Variants in RBBP8 observed in about 807,000 individuals in gnomAD.
RBBP8 encodes DNA endonuclease RBBP8.
RBBP8 carries 88 observed loss-of-function variants against 108.3 expected under a neutral mutation model. The observed-to-expected ratio is 0.81, with a 90% confidence interval of 0.68 to 0.97. The LOEUF is 0.97. Among genes scored for constraint, RBBP8 ranks in the 50% least tolerant of loss-of-function variants. The probability of loss-of-function intolerance (pLI) is 0.00; values close to 1 mark genes in which losing one functional copy is unlikely to be tolerated. For synonymous variants in RBBP8, 332 were observed against 348.2 expected, an observed-to-expected ratio of 0.95 and a Z score of 0.52; for missense variants, 1,023 against 1,049.0, an observed-to-expected ratio of 0.98 and a Z score of 0.34.
chr18:22,937,787 CATTATTT>C (rs895732093), intron 2 of RBBP8, among the ~76,000 whole-genome samples: 7 of 150,260 alleles, frequency 4.7e-5, no homozygotes, highest in African/African-American at 1.7e-4. Flanking sequence ...CCAAAGATCT[CATTATTT>C]ATTTATTTAT....
intron 3 of RBBP8, 67 bp downstream of exon 3, chr18:22,946,553 A>G: frequency 6.3e-7 from 1 of 1,597,744 alleles, no homozygotes; most frequent in Non-Finnish European, 8.5e-7. Flanking sequence ...CCAATTTGAC[A>G]TTCATAGAGT....
chr18:22,920,386 A>C (rs1909543952), intron 3 of RBBP8, among the ~76,000 whole-genome samples: 1 of 152,244 alleles, frequency 6.6e-6, no homozygotes, highest in South Asian at 2.1e-4. Context: ...TGGGAAATAG[A>C]GTACATAACA....
At chr18:22,945,308 G>GA (rs1911454387) in intron 2 of RBBP8, among the ~76,000 whole-genome samples, 1 of 152,056 alleles carries the variant, frequency 6.6e-6, no homozygotes, top group African/African-American at 2.4e-5. Context: ...ATATTCAACA[G>GA]AAAAAATTTT....
At chr18:22,940,562 C>T (rs1276912874) in intron 2 of RBBP8, among the ~76,000 whole-genome samples, 11 of 152,020 alleles carry the variant, frequency 7.2e-5, no homozygotes, top group Admixed American at 3.9e-4. Context: ...CCTCGTGATC[C>T]GCCCGCCTCA....
At chr18:23,022,646 TACAATATAAAATAAA>T (rs1346186083) in intron 18 of RBBP8, among the ~76,000 whole-genome samples, 1 of 29,134 alleles carries the variant, frequency 3.4e-5, no homozygotes, top group African/African-American at 9.0e-5. Flanking sequence ...ATAAATAAAA[TACAATATAAAATAAA>T]ATAAAATAAA....
intron 3 of RBBP8, among the ~76,000 whole-genome samples, chr18:22,927,029 CTAAT>C (rs1331024814): frequency 6.6e-5 from 10 of 152,340 alleles, no homozygotes; most frequent in African/African-American, 2.4e-4. Context: ...ACAACACTTA[CTAAT>C]TACTGTAAAC....
chr18:23,001,134 T>A (rs1201174368), intron 14 of RBBP8, among the ~76,000 whole-genome samples: 1 of 152,248 alleles, frequency 6.6e-6, no homozygotes, highest in East Asian at 1.9e-4. Flanking sequence ...TATAGTTTGT[T>A]ACTCACTTAT....
At chr18:22,945,824 CTGTTCA>C (rs1911515580) in intron 2 of RBBP8, among the ~76,000 whole-genome samples, 1 of 152,008 alleles carries the variant, frequency 6.6e-6, no homozygotes, top group Admixed American at 6.6e-5. Context: ...TTGTTAATTA[CTGTTCA>C]TGAAAATTAG....
chr18:22,957,285 C>CTTTTTTTTT (rs1912641266), intron 4 of RBBP8, among the ~76,000 whole-genome samples: 1 of 43,186 alleles, frequency 2.3e-5, no homozygotes, highest in Non-Finnish European at 4.6e-5. Context: ...GTTGTAATTA[C>CTTTTTTTTT]TTTTTCTTTT....
chr18:22,919,707 A>G (rs1467137004), intron 3 of RBBP8, among the ~76,000 whole-genome samples: 1 of 151,998 alleles, frequency 6.6e-6, no homozygotes, highest in Non-Finnish European at 1.5e-5. Context: ...ACATGCCACC[A>G]CACCTGGTGA....
At chr18:22,963,005 A>G (rs1362567040) in intron 4 of RBBP8, among the ~76,000 whole-genome samples, 2 of 152,124 alleles carry the variant, frequency 1.3e-5, no homozygotes, top group African/African-American at 2.4e-5. Context: ...AAGTCAAACA[A>G]TTGTACTGAT....
chr18:22,984,921 C>A lies in RBBP8; in HGVS notation c.640C>A (p.Gln214Lys). The A allele has an allele frequency of 3.7e-6, 6 of 1,610,134 alleles. No individual in the cohort carries two copies. The South Asian group carries it at 5.5e-5, about 15-fold the overall frequency. Residue 214 changes from glutamine (Q) to lysine (K), a missense_variant, in exon 8 of 19, where the codon CAA becomes AAA. Gln to Lys is a moderately conservative substitution (Grantham distance 53, BLOSUM62 1). Transcript: ENST00000327155. Reference sequence around the variant, plus strand: ...AGTTTCCAAGTCTTCAACTCATCCACAACATAATCCTAATGAAAATGAAAT... The same window carrying A: ...AGTTTCCAAGTCTTCAACTCATCCAAAACATAATCCTAATGAAAATGAAAT... ...RKVSKSSTHP[Q>K]HNPNENEILV...
At chr18:22,978,873 A>G (rs536142902) in intron 6 of RBBP8, among the ~76,000 whole-genome samples, 5 of 152,358 alleles carry the variant, frequency 3.3e-5, no homozygotes, top group South Asian at 2.1e-4. Flanking sequence ...GTGTGAAGTG[A>G]TAGATGTTAA....
chr18:23,012,692 T>C (rs534329122), intron 16 of RBBP8, among the ~76,000 whole-genome samples: 31 of 152,208 alleles, frequency 2.0e-4, no homozygotes, highest in African/African-American at 6.5e-4. Context: ...AGTACTGATA[T>C]AGAAGCTGTA....
upstream of RBBP8, among the ~76,000 whole-genome samples, chr18:22,929,594 C>G (rs1909946742): frequency 6.7e-6 from 1 of 150,372 alleles, no homozygotes; most frequent in African/African-American, 2.4e-5. Context: ...GTCATTCAGC[C>G]TATACTGCAG....
At chr18:22,999,228 A>G (rs1295850973) in intron 14 of RBBP8, among the ~76,000 whole-genome samples, 1 of 152,228 alleles carries the variant, frequency 6.6e-6, no homozygotes, top group East Asian at 1.9e-4. Context: ...GATTCAAACA[A>G]TACCATTTTC....
chr18:22,937,261 C>G, intron 2 of RBBP8: 1 of 382,666 alleles, frequency 2.6e-6, no homozygotes, highest in East Asian at 6.2e-5. Context: ...CTCTTTGTGT[C>G]CATGTGTACT....
Position 22,949,648 on chromosome 18 carries a change from C to T in RBBP8, c.183C>T (p.Thr61=). The change falls in exon 4 of 19, where the codon ACC becomes ACT. Residue 61 remains threonine (T), a synonymous_variant. Transcript: ENST00000327155. ...CACAAAGACTAGAAGAATTCTTCAC[C>T]AAAAATCAACAGCTGAGGGAACAGC... ...LDAQRLEEFF[T]KNQQLREQQK... The T allele has an allele frequency of 6.2e-7, 1 of 1,613,010 alleles. No homozygotes were observed. The highest frequency in any genetic ancestry group is 8.5e-7 in the Non-Finnish European group (1 of 1,179,402).
Position 22,975,222 on chromosome 18 carries a change from A to G in RBBP8, c.428+3A>G, listed in dbSNP as rs1422482909. 2 of 1,612,406 alleles carry G rather than the reference A, an allele frequency of 1.2e-6. No homozygotes were observed. Among genetic ancestry groups the G allele is most frequent in the Non-Finnish European group, 1.7e-6 (2 of 1,179,138 alleles). Reference sequence around the variant, plus strand: ...GAACAACTCCAGCAGAAAATTGAGTAAGTATTTTCCTCCAACCTTGTTATT... The same window carrying G: ...GAACAACTCCAGCAGAAAATTGAGTGAGTATTTTCCTCCAACCTTGTTATT... On this transcript the variant is annotated splice_donor_region_variant and intron_variant, in intron 6 of 18. Coordinates refer to ENST00000327155, the MANE Select transcript of RBBP8 (RefSeq NM_002894.3).
Sources: allele counts gnomAD v4.1 joint callset (sites outside exome capture counted in the v4.1 genomes callset), GRCh38; gene constraint gnomAD v4.1.1; transcripts MANE v1.5; gene names NCBI Gene and HGNC (gene_info 2026-07-23, HGNC 2026-07-21).